FANK1: variants seen among roughly 807,000 people sequenced by gnomAD.
FANK1 encodes the protein fibronectin type III and ankyrin repeat domains 1, also known as fibronectin type 3 and ankyrin repeat domains protein 1.
In FANK1, 44 loss-of-function variants were observed where a neutral mutation model predicts 45.3. The observed-to-expected ratio is 0.97, with a 90% CI of 0.76 to 1.25. The LOEUF is 1.25. FANK1 is among the 50% of genes most tolerant of loss of function. FANK1 has a pLI of 0.00. For missense variants in FANK1, 391 were observed against 424.4 expected, an observed-to-expected ratio of 0.92 and a Z score of 0.69; for synonymous variants, 149 against 152.5, an observed-to-expected ratio of 0.98 and a Z score of 0.17.
intron 1 of FANK1, among the ~76,000 whole-genome samples, chr10:125,964,846 G>T (rs747815261): frequency 8.5e-5 from 13 of 152,188 alleles, no homozygotes; most frequent in Admixed American, 3.9e-4. Flanking sequence ...GGCAGTTTGA[G>T]AGTGTTCCAC....
chr10:125,962,153 A>G (rs1029823914), intron 1 of FANK1, among the ~76,000 whole-genome samples: 1 of 152,160 alleles, frequency 6.6e-6, no homozygotes, highest in Non-Finnish European at 1.5e-5. Context: ...AAACAATCTG[A>G]ATACTTTAAA....
chr10:125,912,513 GAAAC>G (rs1564862360), intron 1 of FANK1, among the ~76,000 whole-genome samples: 1 of 151,640 alleles, frequency 6.6e-6, no homozygotes, highest in Non-Finnish European at 1.5e-5. Flanking sequence ...TTTAGGGAAA[GAAAC>G]AGCTCTCTTA....
intron 1 of FANK1, among the ~76,000 whole-genome samples, chr10:125,928,286 C>A: frequency 7.4e-6 from 1 of 135,648 alleles, no homozygotes; most frequent in African/African-American, 2.7e-5. Context: ...TTTTAAAGAC[C>A]ATGTAGGGTA....
intron 1 of FANK1, among the ~76,000 whole-genome samples, chr10:125,957,457 TTTTG>T (rs1200928150): frequency 6.6e-6 from 1 of 152,066 alleles, no homozygotes; most frequent in African/African-American, 2.4e-5. Flanking sequence ...TCCTTTAACA[TTTTG>T]TATGGTTCAG....
At chr10:125,898,172 C>G (rs192038892) in intron 1 of FANK1, among the ~76,000 whole-genome samples, 1 of 151,752 alleles carries the variant, frequency 6.6e-6, no homozygotes, top group Non-Finnish European at 1.5e-5. Flanking sequence ...GGTGACAGAG[C>G]GAGACTCCAT....
At chr10:125,997,797 G>A (rs537227964) in intron 6 of FANK1, among the ~76,000 whole-genome samples, 14 of 152,344 alleles carry the variant, frequency 9.2e-5, no homozygotes, top group African/African-American at 3.1e-4. Flanking sequence ...CGCCATCCGC[G>A]CTGGGCGTGG....
chr10:125,986,227 G>A (rs1951550839), intron 2 of FANK1, among the ~76,000 whole-genome samples: 1 of 152,154 alleles, frequency 6.6e-6, no homozygotes, highest in Non-Finnish European at 1.5e-5. Context: ...GAGCAGGGAG[G>A]CAGAGACACG....
At chr10:125,912,120 G>A (rs560099954) in intron 1 of FANK1, among the ~76,000 whole-genome samples, 1 of 152,308 alleles carries the variant, frequency 6.6e-6, no homozygotes, top group South Asian at 2.1e-4. Context: ...TTGACATAAG[G>A]CGGGATCAAC....
At chr10:125,901,067 C>T (rs1199708217) in intron 1 of FANK1, among the ~76,000 whole-genome samples, 2 of 151,942 alleles carry the variant, frequency 1.3e-5, no homozygotes, top group East Asian at 1.9e-4. Context: ...ATTGGCCTCC[C>T]GAGTAGCCAG....
At chr10:125,960,718 C>CA (rs1949870421) in intron 1 of FANK1, among the ~76,000 whole-genome samples, 1 of 152,004 alleles carries the variant, frequency 6.6e-6, no homozygotes, top group African/African-American at 2.4e-5. Flanking sequence ...TTAGTAGAGA[C>CA]AAAAAATACA....
At chr10:125,965,321 A>G (rs970767200) in intron 1 of FANK1, among the ~76,000 whole-genome samples, 3 of 152,232 alleles carry the variant, frequency 2.0e-5, no homozygotes, top group Non-Finnish European at 4.4e-5. Flanking sequence ...AGTGAATATA[A>G]GCTGATCCAT....
intron 3 of FANK1, chr10:125,994,847 C>G: frequency 3.0e-6 from 3 of 985,370 alleles, no homozygotes; most frequent in Non-Finnish European, 3.6e-6. Context: ...CCTCCTGGGT[C>G]TTCGCTGGTT....
At chr10:125,898,685 G>A (rs1029303773) in intron 1 of FANK1, among the ~76,000 whole-genome samples, 13 of 152,090 alleles carry the variant, frequency 8.5e-5, no homozygotes, top group African/African-American at 3.1e-4. Flanking sequence ...AAATTCAACC[G>A]GAGCCTGATC....
At chr10:125,950,856 A>G (rs10901474) in intron 1 of FANK1, among the ~76,000 whole-genome samples, 37,890 of 147,750 alleles carry the variant, frequency 0.26, 6,348 homozygotes, top group Non-Finnish European at 0.37. Context: ...ATGTCCAACA[A>G]TGATAGACTG....
intron 1 of FANK1, among the ~76,000 whole-genome samples, chr10:125,950,827 A>C (rs1427494695): frequency 6.8e-6 from 1 of 147,106 alleles, no homozygotes; most frequent in Admixed American, 6.8e-5. Context: ...ACAATTGCAA[A>C]GACTTGGAAC....
rs1953472692 is a variant in FANK1, at chr10:126,009,220, A to C, written c.928-2A>C. On this transcript the variant is annotated splice_acceptor_variant, in intron 9 of 10. Transcript: ENST00000368693. LOFTEE classifies it high-confidence loss of function. ...TAAAATTTTTGTTGTTTCCTGTTTC[A>C]GTTCGGCAAAGGTGTCCTAGAAATG... 4.3e-6 allele frequency: 7 copies of C among 1,614,234 alleles called. No individual in the cohort carries two copies. The highest frequency in any genetic ancestry group is 5.1e-6 in the Non-Finnish European group (6 of 1,180,040).
chr10:125,905,126 G>A (rs1285025263), intron 1 of FANK1, among the ~76,000 whole-genome samples: 9 of 89,208 alleles, frequency 1.0e-4, no homozygotes, highest in Admixed American at 5.2e-4. Flanking sequence ...GCGAGACTCT[G>A]TCCCAAAAAA....
intron 3 of FANK1, among the ~76,000 whole-genome samples, chr10:125,993,280 A>G (rs1280988712): frequency 2.0e-5 from 3 of 152,316 alleles, no homozygotes; most frequent in African/African-American, 7.2e-5. Flanking sequence ...ATTAGGAAAA[A>G]GTGGGGCCTG....
intron 1 of FANK1, among the ~76,000 whole-genome samples, chr10:125,949,074 C>A (rs1367504441): frequency 6.6e-6 from 1 of 151,468 alleles, no homozygotes; most frequent in East Asian, 1.9e-4. Flanking sequence ...AACAACCCTT[C>A]ATGCTAAAAA....
Sources: allele counts gnomAD v4.1 joint callset (sites outside exome capture counted in the v4.1 genomes callset), GRCh38; gene constraint gnomAD v4.1.1; transcripts MANE v1.5; gene names NCBI Gene and HGNC (gene_info 2026-07-23, HGNC 2026-07-21).